TRIM33: variants seen among roughly 807,000 people sequenced by gnomAD.
TRIM33 encodes tripartite motif containing 33.
A neutral mutation model predicts 125.4 loss-of-function variants in TRIM33; 20 were observed. The ratio of observed to expected loss-of-function variants is 0.16; its 90% CI spans 0.11 to 0.23. TRIM33 has a LOEUF of 0.23. Among genes scored for constraint, TRIM33 ranks in the 10% least tolerant of loss-of-function variants. The pLI, the probability that TRIM33 is intolerant of heterozygous loss-of-function variation, is 1.00. For missense variants in TRIM33, 920 were observed against 1,411.4 expected (o/e 0.65, Z 5.58); for synonymous variants, 564 against 513.9 (o/e 1.10, Z -1.32).
intron 1 of TRIM33, among the ~76,000 whole-genome samples, chr1:114,479,313 G>A (rs1336632556): frequency 6.6e-6 from 1 of 152,040 alleles, no homozygotes; most frequent in African/African-American, 2.4e-5. Context: ...ATTCAAAAAG[G>A]GGAGAGAACC....
intron 1 of TRIM33, among the ~76,000 whole-genome samples, chr1:114,502,645 T>C (rs1652781093): frequency 6.6e-6 from 1 of 152,114 alleles, no homozygotes; most frequent in African/African-American, 2.4e-5. Context: ...TAGCTGGAAC[T>C]ACAGGCGCAC....
In TRIM33 at chr1:114,511,186, CTAGCGAGAGA is replaced by C; in HGVS notation, c.-120_-111del. The C allele has an allele frequency of 9.0e-6, 9 of 997,524 alleles. No individual in the cohort carries two copies. Among genetic ancestry groups the C allele is most frequent in the Non-Finnish European group, 1.1e-5 (9 of 827,758 alleles). The allele number at this position is 997,524 out of a possible 1,614,324, so 61.8% of individuals were successfully genotyped here. A position where few individuals can be genotyped will look rare whatever the true frequency, so the allele number is the denominator to read the frequency against. On this transcript the variant is annotated 5_prime_UTR_variant, in exon 1 of 20. Coordinates refer to ENST00000358465, the MANE Select transcript of TRIM33 (RefSeq NM_015906.4). ...CCGCAGCAAGAGCGGCAGCCGAGAG[CTAGCGAGAGA>C]GCGAACCAACGAGAGCGCGCGCGCA...
chr1:114,489,556 C>T (rs896567673), intron 1 of TRIM33, among the ~76,000 whole-genome samples: 4 of 151,770 alleles, frequency 2.6e-5, no homozygotes, highest in African/African-American at 9.7e-5. Flanking sequence ...CCAGCCTGGG[C>T]AACACAGCAA....
chr1:114,484,942 C>T (rs556527889), intron 1 of TRIM33, among the ~76,000 whole-genome samples: 21 of 152,050 alleles, frequency 1.4e-4, no homozygotes, highest in African/African-American at 5.1e-4. Context: ...ATCCCACCTA[C>T]TCGGGAGGCT....
chr1:114,465,780 G>A (rs138210849), intron 1 of TRIM33, among the ~76,000 whole-genome samples: 1,569 of 152,186 alleles, frequency 0.01, 25 homozygotes, highest in African/African-American at 0.036. Flanking sequence ...GGTGGCTCAC[G>A]CCTGTAATCC....
intron 11 of TRIM33, among the ~76,000 whole-genome samples, chr1:114,419,463 C>T (rs897354941): frequency 2.6e-5 from 4 of 152,136 alleles, no homozygotes; most frequent in Admixed American, 6.6e-5. Flanking sequence ...TATTACATAT[C>T]AGGTGATTTT....
At chr1:114,507,554 G>T (rs563160906) in intron 1 of TRIM33, among the ~76,000 whole-genome samples, 2 of 152,214 alleles carry the variant, frequency 1.3e-5, no homozygotes, top group Non-Finnish European at 2.9e-5. Flanking sequence ...ATCCTGTATT[G>T]TTGAAGCATT....
chr1:114,466,830 T>G (rs761461718), intron 1 of TRIM33, among the ~76,000 whole-genome samples: 1 of 152,216 alleles, frequency 6.6e-6, no homozygotes, highest in African/African-American at 2.4e-5. Flanking sequence ...TGACCTCAGG[T>G]GACCGATCTG....
intron 4 of TRIM33, among the ~76,000 whole-genome samples, chr1:114,452,440 CAG>C (rs1649370728): frequency 6.7e-6 from 1 of 148,678 alleles, no homozygotes; most frequent in African/African-American, 2.6e-5. Flanking sequence ...AGCCTGGCAA[CAG>C]AGTGAGACTC....
At chr1:114,485,053 TA>T (rs71580624) in intron 1 of TRIM33, among the ~76,000 whole-genome samples, 202 of 144,896 alleles carry the variant, frequency 1.4e-3, no homozygotes, top group Non-Finnish European at 1.3e-3. Context: ...CTCTGTCTTT[TA>T]AAAAAAAAAA....
Position 114,398,086 on chromosome 1 carries a change from T to C in TRIM33, c.3121-96A>G, listed in dbSNP as rs1224028575. 5.5e-6 allele frequency: 7 copies of C among 1,272,122 alleles called. No homozygotes were observed. In the South Asian group the frequency reaches 5.5e-5, roughly 10 times the overall value. 78.8% of individuals were successfully genotyped at this position (1,272,122 alleles called of 1,614,324 possible). A position where few individuals can be genotyped will look rare whatever the true frequency, so the allele number is the denominator to read the frequency against. ...AGGATTGGCGACGAAAAGTCAGCCA[T>C]ACTAGGGAGAACAAATTGCTATAAC... is the stretch of plus-strand genomic sequence containing the variant. On this transcript the variant is annotated intron_variant, in intron 18 of 19. Coordinates refer to ENST00000358465, the MANE Select transcript of TRIM33 (RefSeq NM_015906.4).
chr1:114,481,629 C>CTA (rs34288270), intron 1 of TRIM33, among the ~76,000 whole-genome samples: 23,648 of 144,408 alleles, frequency 0.16, 2,012 homozygotes, highest in Non-Finnish European at 0.19. Context: ...AGAAAAAAAA[C>CTA]TATATATATA....
At chr1:114,405,786 G>A (rs1652193536) in intron 14 of TRIM33, 27 bp from the exon 15 acceptor site, 1 of 1,558,852 alleles carries the variant, frequency 6.4e-7, no homozygotes, top group Non-Finnish European at 8.7e-7. Context: ...ACAAATTCTT[G>A]AAGAATCATT....
intron 6 of TRIM33, 63 bp downstream of exon 6, chr1:114,430,735 A>T: frequency 1.0e-5 from 9 of 881,890 alleles, no homozygotes; most frequent in Non-Finnish European, 1.7e-5. Flanking sequence ...TTTTCAATAA[A>T]CATTAAAAAC....
chr1:114,475,254 A>T (rs1256898390), intron 1 of TRIM33, among the ~76,000 whole-genome samples: 1 of 152,242 alleles, frequency 6.6e-6, no homozygotes, highest in Non-Finnish European at 1.5e-5. Context: ...TTTAAGAACT[A>T]ATGATCAAGT....
At position 114,405,463 on chromosome 1, in the gene TRIM33, A is replaced by G. The variant is rs867700679; in HGVS notation, c.2715T>C (p.Cys905=). The change falls in exon 15 of 20, where the codon TGT becomes TGC. Residue 905 remains cysteine, a synonymous_variant. Coordinates refer to ENST00000358465, the MANE Select transcript of TRIM33 (RefSeq NM_015906.4). ...NGGDLLCCEK[C]PKVFHLTCHV... ...GACAAGTTAGATGAAAGACCTTTGG[A>G]CATTTTTCGCAGCACAAGAGATCTC... is the stretch of plus-strand genomic sequence containing the variant. The G allele has an allele frequency of 6.2e-7, 1 of 1,614,182 alleles. No individual in the cohort carries two copies.
intron 11 of TRIM33, among the ~76,000 whole-genome samples, chr1:114,410,632 T>G (rs377135544): frequency 6.6e-6 from 1 of 152,336 alleles, no homozygotes. Context: ...TTATCAGTAT[T>G]CTTGTCCCCA....
At chr1:114,474,725 C>G (rs1463735708) in intron 1 of TRIM33, among the ~76,000 whole-genome samples, 1 of 151,524 alleles carries the variant, frequency 6.6e-6, no homozygotes, top group Non-Finnish European at 1.5e-5. Context: ...AACCCTGTCT[C>G]TACTAAAAAT....
Position 114,393,413 on chromosome 1 carries a change from G to T in TRIM33, c.*4235C>A. On this transcript the variant is annotated 3_prime_UTR_variant, in exon 20 of 20. Coordinates refer to ENST00000358465, the MANE Select transcript of TRIM33 (RefSeq NM_015906.4). Reference sequence around the variant, plus strand: ...GCAGTGGCACTTACAAAATCATTTTGGTGCCTTCCCACACATAAATTTGGT... The same window carrying T: ...GCAGTGGCACTTACAAAATCATTTTTGTGCCTTCCCACACATAAATTTGGT... The T allele has an allele frequency of 4.9e-6, 1 of 202,262 alleles. No individual in the cohort carries two copies. Among genetic ancestry groups the T allele is most frequent in the East Asian group, 7.6e-5 (1 of 13,160 alleles). The allele number at this position is 202,262 out of a possible 1,614,324, so 12.5% of individuals were successfully genotyped here.
Sources: allele counts gnomAD v4.1 joint callset (sites outside exome capture counted in the v4.1 genomes callset), GRCh38; gene constraint gnomAD v4.1.1; transcripts MANE v1.5; gene names NCBI Gene and HGNC (gene_info 2026-07-23, HGNC 2026-07-21).